Variants in PUDP observed in about 807,000 individuals in gnomAD.
PUDP encodes pseudouridine-5'-phosphatase.
A neutral mutation model predicts 9.4 loss-of-function variants in PUDP; 8 were observed. That is an observed-to-expected ratio of 0.85 (90% CI 0.50 to 1.53). PUDP has a LOEUF of 1.53. Among genes scored for constraint, PUDP ranks in the 40% most tolerant of loss-of-function variants. The probability of loss-of-function intolerance (pLI) is 0.00; values close to 1 mark genes in which losing one functional copy is unlikely to be tolerated. For synonymous variants in PUDP, 99 were observed against 80.7 expected (o/e 1.23, Z -1.22); for missense variants, 188 against 189.7 (o/e 0.99, Z 0.05).
At chrX:7,109,186 T>C (rs747194063) in intron 1 of PUDP, among the ~76,000 whole-genome samples, 124 of 112,082 alleles carry the variant, frequency 1.1e-3, no homozygotes, top group African/African-American at 3.8e-3. Context: ...TACCCAGGCA[T>C]GAGCGCTCCT....
intron 3 of PUDP, among the ~76,000 whole-genome samples, chrX:6,742,072 T>C (rs1006069697): frequency 3.5e-4 from 39 of 111,381 alleles, no homozygotes; most frequent in Non-Finnish European, 7.0e-4. Flanking sequence ...CAGGCTGCTC[T>C]TGAACTCCTG....
chrX:7,133,169 C>T (rs1256987709), intron 1 of PUDP, among the ~76,000 whole-genome samples: 2 of 111,537 alleles, frequency 1.8e-5, no homozygotes, highest in African/African-American at 6.5e-5. Flanking sequence ...GAACTAGAGG[C>T]CCCGTTTAAA....
chrX:7,006,007 A>T (rs757508338), intron 1 of PUDP, among the ~76,000 whole-genome samples: 5 of 111,900 alleles, frequency 4.5e-5, no homozygotes, highest in East Asian at 2.8e-4. Flanking sequence ...ATATGTGAAA[A>T]TTTTTTTCCT....
chrX:6,901,269 T>C (rs930351538), intron 3 of PUDP, among the ~76,000 whole-genome samples: 71 of 111,861 alleles, frequency 6.3e-4, no homozygotes, highest in African/African-American at 2.1e-3. Context: ...CTAGATATCA[T>C]TGGGCCTAGG....
rs1382191449 is a variant in PUDP, at chrX:6,779,017, C to T, written c.*248-72551G>A. Among the ~76,000 whole-genome samples, 5 of 111,694 alleles carry T rather than the reference C, an allele frequency of 4.5e-5. No individual in the cohort carries two copies. In the Admixed American group the frequency reaches 4.7e-4, roughly 11 times the overall value. Reference sequence around the variant, plus strand: ...GAACCAGAGCATGGCACAAGGGCTCCAGCAGGATTGAAATATACTAGGTGC... The same window carrying T: ...GAACCAGAGCATGGCACAAGGGCTCTAGCAGGATTGAAATATACTAGGTGC... On this transcript the variant is annotated intron_variant and NMD_transcript_variant, in intron 3 of 3. Coordinates refer to the PUDP transcript ENST00000655425.
chrX:6,872,975 G>A (rs144008948), intron 3 of PUDP, among the ~76,000 whole-genome samples: 57 of 111,340 alleles, frequency 5.1e-4, no homozygotes, highest in Admixed American at 1.8e-3. Flanking sequence ...TACTTCCAGA[G>A]GTGTCTGAAT....
intron 3 of PUDP, among the ~76,000 whole-genome samples, chrX:6,784,498 T>C (rs188994924): frequency 2.9e-3 from 323 of 111,396 alleles, no homozygotes; most frequent in Non-Finnish European, 5.0e-3. Context: ...GTGGAGAGTC[T>C]ACCGAAGGGA....
chrX:6,916,196 A>G (rs1296257475), intron 3 of PUDP, among the ~76,000 whole-genome samples: 2 of 10,275 alleles, frequency 1.9e-4, no homozygotes, highest in Non-Finnish European at 4.7e-4. Context: ...TTTTCTACAC[A>G]CACACACACA....
intron 3 of PUDP, among the ~76,000 whole-genome samples, chrX:6,798,146 C>T (rs781169494): frequency 1.2e-4 from 14 of 112,091 alleles, no homozygotes; most frequent in African/African-American, 3.9e-4. Flanking sequence ...TTAATGGACT[C>T]ACAGTTCCAC....
intron 3 of PUDP, among the ~76,000 whole-genome samples, chrX:6,900,545 G>A (rs995074048): frequency 7.3e-5 from 8 of 108,918 alleles, no homozygotes; most frequent in Non-Finnish European, 1.3e-4. Flanking sequence ...GGGAGACGGA[G>A]AGGGAGAGAG....
chrX:7,090,215 T>C (rs1290433862), intron 2 of PUDP, among the ~76,000 whole-genome samples: 3 of 110,965 alleles, frequency 2.7e-5, no homozygotes, highest in Non-Finnish European at 5.7e-5. Flanking sequence ...AGTATCTAAA[T>C]ATTATATATA....
chrX:6,990,705 C>T (rs1490196218), intron 1 of PUDP, among the ~76,000 whole-genome samples: 1 of 111,714 alleles, frequency 9.0e-6, no homozygotes, highest in East Asian at 2.8e-4. Context: ...GAATGCATCT[C>T]GCTGGAAATG....
At chrX:7,077,779 G>A (rs928053907) in intron 2 of PUDP, among the ~76,000 whole-genome samples, 1 of 112,758 alleles carries the variant, frequency 8.9e-6, no homozygotes, top group Non-Finnish European at 1.9e-5. Flanking sequence ...AGGCCCAGGA[G>A]GTGACTGGAC....
chrX:6,933,992 A>G (rs1289657509), intron 3 of PUDP, among the ~76,000 whole-genome samples: 1 of 103,274 alleles, frequency 9.7e-6, no homozygotes, highest in Non-Finnish European at 2.0e-5. Context: ...TGAAAAGACC[A>G]AATCTACGTC....
At chrX:7,077,583 C>A in intron 2 of PUDP, 134 bp from the exon 3 acceptor site, 1 of 486,146 alleles carries the variant, frequency 2.1e-6, no homozygotes, top group Non-Finnish European at 3.5e-6. Flanking sequence ...TGACCTAGGA[C>A]AGATTGTCTA....
downstream of PUDP, among the ~76,000 whole-genome samples, chrX:7,048,081 T>C (rs1930009277): frequency 8.9e-6 from 1 of 111,910 alleles, no homozygotes; most frequent in African/African-American, 3.2e-5. Context: ...TGAGGATTTA[T>C]GAGGTGGAAA....
At chrX:6,870,569 C>A (rs1927159895) in intron 3 of PUDP, among the ~76,000 whole-genome samples, 1 of 112,153 alleles carries the variant, frequency 8.9e-6, no homozygotes, top group African/African-American at 3.2e-5. Context: ...TCGATTAAAT[C>A]TTTCTTTTGT....
intron 3 of PUDP, among the ~76,000 whole-genome samples, chrX:6,754,436 A>C (rs946410542): frequency 1.7e-4 from 19 of 110,727 alleles, no homozygotes; most frequent in Non-Finnish European, 3.2e-4. Context: ...CTTTATTAGC[A>C]GCATGAGAAC....
At chrX:7,050,527 T>C (rs753544905) in intron 3 of PUDP, 55 bp from the exon 4 acceptor site, 16 of 1,071,639 alleles carry the variant, frequency 1.5e-5, no homozygotes, top group South Asian at 2.0e-5. Context: ...GACATGTGGA[T>C]GAAGTGTTTA....
Sources: allele counts gnomAD v4.1 joint callset (sites outside exome capture counted in the v4.1 genomes callset), GRCh38; gene constraint gnomAD v4.1.1; transcripts MANE v1.5; gene names NCBI Gene and HGNC (gene_info 2026-07-23, HGNC 2026-07-21).